Variants in BBX observed in about 807,000 individuals in gnomAD.
BBX encodes BBX high mobility group box domain containing.
BBX carries 30 observed loss-of-function variants against 100.2 expected under a neutral mutation model. The observed-to-expected ratio is 0.30, with a 90% confidence interval of 0.22 to 0.41. The LOEUF is 0.41. Among genes scored for constraint, BBX ranks in the 10% least tolerant of loss-of-function variants. The pLI, the probability that BBX is intolerant of heterozygous loss-of-function variation, is 1.00. For synonymous variants in BBX, 376 were observed against 388.1 expected, an observed-to-expected ratio of 0.97 and a Z score of 0.37; for missense variants, 1,023 against 1,129.8, an observed-to-expected ratio of 0.91 and a Z score of 1.35.
chr3:107,751,766 C>T (rs6809506), intron 9 of BBX, among the ~76,000 whole-genome samples: 68,109 of 151,914 alleles, frequency 0.45, 15,788 homozygotes, highest in Middle Eastern at 0.54. Context: ...CTCACCACCC[C>T]CAATTTCAGC....
intron 3 of BBX, chr3:107,662,015 G>A (rs1576228239): frequency 1.8e-6 from 1 of 564,864 alleles, no homozygotes; most frequent in African/African-American, 2.0e-5. Flanking sequence ...TGGGGAAGAA[G>A]AATTTGTTAG....
chr3:107,748,039 G>A lies in BBX; in HGVS notation c.825G>A (p.Glu275=). 1 of 1,611,554 alleles carries A rather than the reference G, an allele frequency of 6.2e-7. No homozygotes were observed. The highest frequency in any genetic ancestry group is 1.7e-5 in the Admixed American group (1 of 59,832). ...CQTSALFQFA[E]ISSNTSQLGG... ...CATCTGCCTTGTTTCAGTTTGCAGA[G>A]GTATGGCCTTTTTAAAATGCTTTTT... The change falls in exon 9 of 18, where the codon GAG becomes GAA. Residue 275 remains glutamate (E), a splice_region_variant and synonymous_variant. Coordinates refer to ENST00000325805, the MANE Select transcript of BBX (RefSeq NM_001142568.3).
chr3:107,558,692 G>T (rs1319339296), intron 2 of BBX, among the ~76,000 whole-genome samples: 3 of 152,102 alleles, frequency 2.0e-5, no homozygotes, highest in Non-Finnish European at 4.4e-5. Flanking sequence ...GGTAAAGGGG[G>T]TCTAGATGGG....
chr3:107,631,554 A>AAG (rs2056549623), intron 2 of BBX, among the ~76,000 whole-genome samples: 1 of 151,562 alleles, frequency 6.6e-6, no homozygotes. Flanking sequence ...AAAAAAAAAA[A>AAG]CACTAAAAAT....
chr3:107,660,739 G>A (rs2058404431), intron 3 of BBX, among the ~76,000 whole-genome samples: 2 of 152,010 alleles, frequency 1.3e-5, no homozygotes, highest in Admixed American at 1.3e-4. Flanking sequence ...AGCTTTTCTG[G>A]CAATTCCATT....
rs546854001 is a variant in BBX, at chr3:107,749,373, A to G, written c.825+1334A>G. On this transcript the variant is annotated intron_variant, in intron 9 of 17. Coordinates refer to ENST00000325805, the MANE Select transcript of BBX (RefSeq NM_001142568.3). ...TTGACTAAATTTATTTTTAATGTTGATGTCTGAGCCAGTTCTATCTAACTT... is the reference window on the plus strand; with the variant it reads ...TTGACTAAATTTATTTTTAATGTTGGTGTCTGAGCCAGTTCTATCTAACTT... Among the ~76,000 whole-genome samples the G allele has an allele frequency of 5.9e-5, 9 of 152,338 alleles. No homozygotes were observed. In the South Asian group the frequency reaches 1.9e-3, roughly 32 times the overall value.
At chr3:107,631,150 A>C (rs1483466327) in intron 2 of BBX, among the ~76,000 whole-genome samples, 1 of 152,178 alleles carries the variant, frequency 6.6e-6, no homozygotes, top group East Asian at 1.9e-4. Context: ...TGCTCATCCT[A>C]ATCACCTGGA....
intron 3 of BBX, among the ~76,000 whole-genome samples, chr3:107,689,069 C>T (rs968538036): frequency 2.0e-5 from 3 of 152,150 alleles, no homozygotes; most frequent in Non-Finnish European, 2.9e-5. Flanking sequence ...AGAATCAGGG[C>T]GATCAAGTAT....
At chr3:107,560,220 TAAC>T (rs2050385952) in intron 2 of BBX, among the ~76,000 whole-genome samples, 1 of 150,656 alleles carries the variant, frequency 6.6e-6, no homozygotes, top group Non-Finnish European at 1.5e-5. Flanking sequence ...AAAAAAAAAA[TAAC>T]AAACCTCTGG....
chr3:107,579,951 G>A (rs1311564572), intron 2 of BBX, among the ~76,000 whole-genome samples: 4 of 152,022 alleles, frequency 2.6e-5, no homozygotes, highest in Non-Finnish European at 5.9e-5. Flanking sequence ...GGCAAGCTCT[G>A]GAGTATTTTT....
rs149682352 is a variant in BBX, at chr3:107,640,165, A to G, written c.-83-5671A>G. ...CTCAGAGAGGCTTAGGAATTGGCCC[A>G]CAATTGCAGGGTAGTAAACCTAAGG... On this transcript the variant is annotated intron_variant, in intron 2 of 17. Transcript: ENST00000325805. Among the ~76,000 whole-genome samples, 116 of 152,312 alleles carry G rather than the reference A, an allele frequency of 7.6e-4. 5 individuals carry two copies. In the East Asian group the frequency reaches 0.018, roughly 23 times the overall value.
intron 16 of BBX, 68 bp from the exon 17 acceptor site, chr3:107,801,027 G>T: frequency 6.8e-7 from 1 of 1,473,262 alleles, no homozygotes. Context: ...CTGGCACAGC[G>T]TTTTCTATGT....
rs2071138881 is a variant in BBX at position 107,807,873 on chromosome 3, T to C, written c.*2416T>C. 6.6e-6 allele frequency: 1 copy of C among 152,148 alleles called. No individual in the cohort carries two copies. Among genetic ancestry groups the C allele is most frequent in the Non-Finnish European group, 1.5e-5 (1 of 68,006 alleles). The allele number at this position is 152,148 out of a possible 1,614,324, so 9.4% of individuals were successfully genotyped here. A position where few individuals can be genotyped will look rare whatever the true frequency, so the allele number is the denominator to read the frequency against. On this transcript the variant is annotated 3_prime_UTR_variant, in exon 18 of 18. Transcript: ENST00000325805. ...GTTTTCAGATACTTTAAAACAAACC[T>C]TTTTGTAGAAATGCTTAATTTTTAA...
intron 13 of BBX, among the ~76,000 whole-genome samples, chr3:107,782,841 A>T (rs1405720489): frequency 6.6e-6 from 1 of 151,982 alleles, no homozygotes; most frequent in African/African-American, 2.4e-5. Flanking sequence ...TTTTTTTTTC[A>T]TAAGGAAGCT....
intron 2 of BBX, among the ~76,000 whole-genome samples, chr3:107,585,029 G>GT (rs749452634): frequency 1.3e-5 from 2 of 152,166 alleles, no homozygotes; most frequent in East Asian, 1.9e-4. Context: ...ATGCAGGTGA[G>GT]TATATAAGAA....
chr3:107,569,610 G>A (rs1310531008), intron 2 of BBX, among the ~76,000 whole-genome samples: 4 of 152,080 alleles, frequency 2.6e-5, no homozygotes, highest in Non-Finnish European at 5.9e-5. Flanking sequence ...AAAATGTCTC[G>A]ACCTAATAAG....
intron 3 of BBX, among the ~76,000 whole-genome samples, chr3:107,700,172 T>A (rs1390142752): frequency 6.6e-6 from 1 of 151,820 alleles, no homozygotes; most frequent in Non-Finnish European, 1.5e-5. Context: ...AGGAGTAGAA[T>A]AAACTATTGA....
At chr3:107,696,685 C>T (rs902001331) in intron 3 of BBX, among the ~76,000 whole-genome samples, 1 of 151,638 alleles carries the variant, frequency 6.6e-6, no homozygotes, top group African/African-American at 2.4e-5. Context: ...CTTGGTGTTG[C>T]TCTTCTCGAG....
intron 3 of BBX, among the ~76,000 whole-genome samples, chr3:107,704,603 A>C (rs2061282244): frequency 1.3e-5 from 2 of 152,322 alleles, no homozygotes; most frequent in South Asian, 4.1e-4. Context: ...GAGAGTAAGA[A>C]GAGGCTAAAC....
Sources: gnomAD v4.1 joint callset for allele counts (sites outside exome capture counted in the v4.1 genomes callset) on GRCh38, gnomAD v4.1.1 for gene constraint, MANE v1.5 for transcripts, NCBI Gene and HGNC (gene_info 2026-07-23, HGNC 2026-07-21) for gene names.